The following STON2 variants were observed in gnomAD, a reference collection of about 807,000 sequenced individuals.
STON2 encodes stonin 2, also known as stonin-2.
STON2 carries 29 observed loss-of-function variants against 65.7 expected under a neutral mutation model. The ratio of observed to expected loss-of-function variants is 0.44; its 90% CI spans 0.33 to 0.60. The LOEUF (loss-of-function observed/expected upper bound fraction) is 0.60. Among genes scored for constraint, STON2 ranks in the 20% least tolerant of loss-of-function variants. The probability of loss-of-function intolerance (pLI) is 0.03; values close to 1 mark genes in which losing one functional copy is unlikely to be tolerated. For synonymous variants in STON2, 404 were observed against 414.2 expected, an observed-to-expected ratio of 0.98 and a Z score of 0.30; for missense variants, 1,054 against 1,118.1, an observed-to-expected ratio of 0.94 and a Z score of 0.82.
chr14:81,384,549 T>C (rs942637565), intron 3 of STON2, among the ~76,000 whole-genome samples: 4 of 152,170 alleles, frequency 2.6e-5, no homozygotes, highest in Admixed American at 6.5e-5. Context: ...AACACACTTA[T>C]ATTTACTTCT....
chr14:81,269,027 C>A (rs960831946), intron 7 of STON2, among the ~76,000 whole-genome samples: 1 of 152,146 alleles, frequency 6.6e-6, no homozygotes, highest in African/African-American at 2.4e-5. Flanking sequence ...GAGACAGGGT[C>A]TCATTCTGTT....
chr14:81,376,768 T>C (rs1281935517), intron 3 of STON2, among the ~76,000 whole-genome samples: 1 of 152,194 alleles, frequency 6.6e-6, no homozygotes, highest in Non-Finnish European at 1.5e-5. Flanking sequence ...AAAGAGAATT[T>C]AGTGATCTAT....
chr14:81,409,536 T>C (rs1310912064), intron 2 of STON2, among the ~76,000 whole-genome samples: 2 of 152,150 alleles, frequency 1.3e-5, no homozygotes, highest in Non-Finnish European at 2.9e-5. Flanking sequence ...AATTAGTATA[T>C]AGTTCCAGAA....
At chr14:81,344,134 C>G (rs1359374013) in intron 4 of STON2, among the ~76,000 whole-genome samples, 1 of 152,110 alleles carries the variant, frequency 6.6e-6, no homozygotes, top group Non-Finnish European at 1.5e-5. Context: ...AACAGGTCAG[C>G]CCCTAAACAC....
chr14:81,312,991 GC>G (rs1896484690), intron 5 of STON2, among the ~76,000 whole-genome samples: 3 of 152,224 alleles, frequency 2.0e-5, no homozygotes, highest in Admixed American at 2.0e-4. Flanking sequence ...AAAGGGCAAA[GC>G]CCCGTGTTTT....
chr14:81,433,684 C>G (rs996362786), intron 1 of STON2, among the ~76,000 whole-genome samples: 3 of 152,180 alleles, frequency 2.0e-5, no homozygotes, highest in Non-Finnish European at 4.4e-5. Context: ...TTTGTTCTAT[C>G]ATGTCCTTTT....
In STON2 at chr14:81,262,591, T is replaced by C. The variant is rs984990359; in HGVS notation, c.*5823A>G. ...ATTCTTTTTTTAGTCTATTCTCTTG[T>C]AGCTTTTGTTACATCCAATGATCAT... On this transcript the variant is annotated 3_prime_UTR_variant, in exon 8 of 8. Transcript: ENST00000614646. 1.0e-6 allele frequency: 1 copy of C among 985,334 alleles called. No homozygotes were observed. The highest frequency in any genetic ancestry group is 1.2e-6 in the Non-Finnish European group (1 of 829,914). The allele number at this position is 985,334 out of a possible 1,614,324, so 61.0% of individuals were successfully genotyped here. A position where few individuals can be genotyped will look rare whatever the true frequency, so the allele number is the denominator to read the frequency against.
At chr14:81,332,746 A>G (rs772263021) in intron 4 of STON2, among the ~76,000 whole-genome samples, 1 of 152,250 alleles carries the variant, frequency 6.6e-6, no homozygotes, top group Non-Finnish European at 1.5e-5. Context: ...CATAATAACT[A>G]TAATAAAATA....
intron 2 of STON2, among the ~76,000 whole-genome samples, chr14:81,396,963 C>A (rs1194704860): frequency 2.6e-5 from 4 of 152,284 alleles, no homozygotes; most frequent in Admixed American, 2.0e-4. Flanking sequence ...GAAGCTGAGG[C>A]AGGAGAATCG....
chr14:81,343,331 T>C (rs1157471032), intron 4 of STON2, among the ~76,000 whole-genome samples: 3 of 152,172 alleles, frequency 2.0e-5, no homozygotes, highest in South Asian at 2.1e-4. Flanking sequence ...AAACTAACAA[T>C]GTGTTGCTTG....
At chr14:81,305,135 G>A (rs11845481) in intron 5 of STON2, among the ~76,000 whole-genome samples, 4,026 of 152,244 alleles carry the variant, frequency 0.026, 184 homozygotes, top group African/African-American at 0.093. Flanking sequence ...TTTCTGCATC[G>A]TATTCAATTG....
At chr14:81,344,488 T>C (rs1897737849) in intron 4 of STON2, among the ~76,000 whole-genome samples, 1 of 152,256 alleles carries the variant, frequency 6.6e-6, no homozygotes, top group Non-Finnish European at 1.5e-5. Context: ...ACAATGTAAT[T>C]GGGATAATTT....
In STON2 at chr14:81,392,684, AT is replaced by A. The variant is rs144372935; in HGVS notation, c.373+3209del. The stretch of plus-strand genomic sequence containing the variant: ...TAATTTTTAAACTGAATTCTTAAAT[AT>A]TTTTTTAAAAACTTTTTTTTCAAGA... On this transcript the variant is annotated intron_variant, in intron 3 of 7. Coordinates refer to ENST00000614646, the MANE Select transcript of STON2 (RefSeq NM_001394390.1). Among the ~76,000 whole-genome samples, 402 of 152,330 alleles carry A rather than the reference AT, an allele frequency of 2.6e-3. 1 individual carries two copies. The highest frequency in any genetic ancestry group is 9.2e-3 in the African/African-American group (383 of 41,588).
In STON2 at chr14:81,277,641, A is replaced by G; in HGVS notation, c.1841T>C (p.Met614Thr). Residue 614 changes from methionine to threonine, a missense_variant, in exon 6 of 8, where the codon ATG becomes ACG. Coordinates refer to ENST00000614646, the MANE Select transcript of STON2 (RefSeq NM_001394390.1). ...DRLMDLPVLS[M>T]DLSTVGLNYL... ...GTTGAGGCCAACTGTGCTCAAGTCC[A>G]TTGACAACACTGGCAGATCCATGAG... 2 of 1,614,190 alleles carry G rather than the reference A, an allele frequency of 1.2e-6. No individual in the cohort carries two copies. The highest frequency in any genetic ancestry group is 1.3e-5 in the African/African-American group (1 of 75,050).
intron 5 of STON2, among the ~76,000 whole-genome samples, chr14:81,301,669 G>A (rs143142671): frequency 1.3e-4 from 20 of 152,258 alleles, no homozygotes; most frequent in Non-Finnish European, 2.5e-4. Flanking sequence ...ACATCTGGTT[G>A]GGATGCCAGC....
chr14:81,353,836 G>C (rs956972468), intron 4 of STON2, among the ~76,000 whole-genome samples: 2 of 152,090 alleles, frequency 1.3e-5, no homozygotes, highest in African/African-American at 4.8e-5. Flanking sequence ...AGACCTTGGT[G>C]GTAGCTCTGT....
intron 4 of STON2, among the ~76,000 whole-genome samples, chr14:81,331,395 T>A (rs2140268491): frequency 6.6e-6 from 1 of 152,272 alleles, no homozygotes; most frequent in African/African-American, 2.4e-5. Flanking sequence ...ACCAACCCCA[T>A]TTCACTGGCT....
chr14:81,300,339 G>A (rs1469726709), intron 5 of STON2, among the ~76,000 whole-genome samples: 1 of 151,994 alleles, frequency 6.6e-6, no homozygotes, highest in Non-Finnish European at 1.5e-5. Context: ...AAAGCTTCTA[G>A]AGGAAAACAT....
intron 5 of STON2, among the ~76,000 whole-genome samples, chr14:81,289,235 T>C (rs1048853626): frequency 1.3e-5 from 2 of 152,194 alleles, no homozygotes; most frequent in Non-Finnish European, 2.9e-5. Flanking sequence ...TGGTCAGAGA[T>C]ACCCATTTCT....
Sources: gnomAD v4.1 joint callset for allele counts (sites outside exome capture counted in the v4.1 genomes callset) on GRCh38, gnomAD v4.1.1 for gene constraint, MANE v1.5 for transcripts, NCBI Gene and HGNC (gene_info 2026-07-23, HGNC 2026-07-21) for gene names.